The following ARMC2 variants were observed in gnomAD, a reference collection of about 807,000 sequenced individuals.
The protein encoded by ARMC2 is armadillo repeat-containing protein 2.
Under a neutral mutation model 90.3 loss-of-function variants are expected in ARMC2, and 67 were observed. The ratio of observed to expected loss-of-function variants is 0.74; its 90% CI spans 0.61 to 0.91. The LOEUF is 0.91. Among genes scored for constraint, ARMC2 ranks in the 40% least tolerant of loss-of-function variants. The pLI, the probability that ARMC2 is intolerant of heterozygous loss-of-function variation, is 0.00. For missense variants in ARMC2, 920 were observed against 1,030.9 expected (o/e 0.89, Z 1.47); for synonymous variants, 393 against 393.0 (o/e 1.00, Z 0.00).
rs5879005 is a variant in ARMC2 at position 108,947,829 on chromosome 6, GAA to G, written c.1597-5192_1597-5191del. Among the ~76,000 whole-genome samples, 1,039 of 139,142 alleles carry G rather than the reference GAA, an allele frequency of 7.5e-3. 11 individuals carry two copies. Among genetic ancestry groups the G allele is most frequent in the African/African-American group, 0.021 (798 of 37,912 alleles). The allele number at this position is 139,142 out of a possible 152,430, so 91.3% of individuals were successfully genotyped here. On this transcript the variant is annotated intron_variant, in intron 12 of 17. Coordinates refer to ENST00000392644, the MANE Select transcript of ARMC2 (RefSeq NM_032131.6). ...GGTTATACTAGACTGCCTTCTTTAG[GAA>G]AAAAAAAAAAAGCTCTCTCTTGATT...
At chr6:108,971,342 T>TG (rs1562443009) in intron 17 of ARMC2, among the ~76,000 whole-genome samples, 1 of 152,136 alleles carries the variant, frequency 6.6e-6, no homozygotes, top group Admixed American at 6.5e-5. Flanking sequence ...AGTTATCTCA[T>TG]GGGTGGGGAG....
intron 12 of ARMC2, among the ~76,000 whole-genome samples, chr6:108,948,058 C>G (rs928016133): frequency 1.3e-5 from 2 of 152,226 alleles, no homozygotes; most frequent in Non-Finnish European, 2.9e-5. Context: ...AATTGGTGCT[C>G]TCTCTAAATA....
At chr6:109,002,154 A>C in the ARMC2 span, 6 of 735,692 alleles carry the variant, frequency 8.2e-6, no homozygotes, top group Non-Finnish European at 1.4e-5. Context: ...AAGAATGATT[A>C]ACTGCAACCA....
chr6:108,953,643 T>A (rs73762612), intron 13 of ARMC2, among the ~76,000 whole-genome samples: 2,245 of 152,356 alleles, frequency 0.015, 63 homozygotes, highest in African/African-American at 0.052. Flanking sequence ...TGCAATTTTT[T>A]AAAATTATAC....
chr6:109,024,360 T>C, the ARMC2 span, among the ~76,000 whole-genome samples: 3 of 152,080 alleles, frequency 2.0e-5, no homozygotes, highest in Non-Finnish European at 4.4e-5. Flanking sequence ...AAAGGAAGAA[T>C]CAGAAAAATT....
At chr6:108,862,366 A>C (rs1013390201) in intron 3 of ARMC2, among the ~76,000 whole-genome samples, 5 of 150,532 alleles carry the variant, frequency 3.3e-5, no homozygotes, top group Non-Finnish European at 5.9e-5. Context: ...AAACAAAAAA[A>C]ACAAACAAAA....
intron 11 of ARMC2, among the ~76,000 whole-genome samples, chr6:108,931,205 G>T (rs926165724): frequency 6.6e-6 from 1 of 151,772 alleles, no homozygotes; most frequent in African/African-American, 2.4e-5. Context: ...CTAGTTTGCT[G>T]AGCTAATGGC....
At chr6:108,965,983 A>T (rs539006634) in intron 17 of ARMC2, among the ~76,000 whole-genome samples, 1,588 of 150,738 alleles carry the variant, frequency 0.011, 28 homozygotes, top group African/African-American at 0.037. Context: ...AAAAATTTTT[A>T]TAATTTTAGG....
chr6:108,905,043 C>T (rs753615954), intron 8 of ARMC2, among the ~76,000 whole-genome samples: 8 of 152,158 alleles, frequency 5.3e-5, no homozygotes, highest in Non-Finnish European at 8.8e-5. Flanking sequence ...TTTGTTGTCA[C>T]AGCCATAAAC....
the ARMC2 span, among the ~76,000 whole-genome samples, chr6:109,042,687 T>C: frequency 6.6e-6 from 1 of 152,022 alleles, no homozygotes; most frequent in Non-Finnish European, 1.5e-5. Flanking sequence ...AATAGCCCTA[T>C]TGCTATTAAG....
At chr6:108,884,046 G>A (rs765367210) in intron 5 of ARMC2, among the ~76,000 whole-genome samples, 32 of 152,126 alleles carry the variant, frequency 2.1e-4, no homozygotes, top group Middle Eastern at 3.4e-3. Context: ...AAACAATGAA[G>A]TCATTATTCT....
At chr6:108,864,623 G>A (rs1775624576) in intron 3 of ARMC2, among the ~76,000 whole-genome samples, 1 of 152,124 alleles carries the variant, frequency 6.6e-6, no homozygotes, top group Admixed American at 6.5e-5. Flanking sequence ...GTGTGTGTGT[G>A]TTCTGCTGCT....
the ARMC2 span, among the ~76,000 whole-genome samples, chr6:108,992,351 A>G: frequency 6.6e-6 from 1 of 152,100 alleles, no homozygotes; most frequent in Non-Finnish European, 1.5e-5. Flanking sequence ...GCCTCGGCTC[A>G]GGCAATCCAC....
intron 10 of ARMC2, among the ~76,000 whole-genome samples, chr6:108,918,371 G>T (rs1349953894): frequency 1.3e-5 from 2 of 152,118 alleles, no homozygotes; most frequent in African/African-American, 4.8e-5. Flanking sequence ...GCGAGCGAGG[G>T]GTGTGAGGGG....
At chr6:109,020,049 A>C in the ARMC2 span, among the ~76,000 whole-genome samples, 1 of 152,232 alleles carries the variant, frequency 6.6e-6, no homozygotes, top group Non-Finnish European at 1.5e-5. Flanking sequence ...TGCAGTTCAA[A>C]TAGGTCACAC....
At position 108,900,746 on chromosome 6, in the gene ARMC2, C is replaced by T. The variant is rs17069971; in HGVS notation, c.847+954C>T. Among the ~76,000 whole-genome samples the T allele has an allele frequency of 7.6e-3, 1,161 of 152,268 alleles. 21 individuals carry two copies. The highest frequency in any genetic ancestry group is 0.027 in the African/African-American group (1,116 of 41,550). ...GGGTTCTGGTCCCGGTGCTGCTACT[C>T]GCCAAGCGTATGGCCATGAGGAGTC... is the stretch of plus-strand genomic sequence containing the variant. On this transcript the variant is annotated intron_variant, in intron 7 of 17. Coordinates refer to ENST00000392644, the MANE Select transcript of ARMC2 (RefSeq NM_032131.6).
chr6:108,876,314 GAAC>G lies in ARMC2; in HGVS notation c.640_642del (p.Thr214del). Reference sequence around the variant, plus strand: ...ATAAAGGAGCAAGAAATGTTCAAAGGAACAACATCTTTACCATCTCATCTCAAG... The same window carrying G: ...ATAAAGGAGCAAGAAATGTTCAAAGGAACATCTTTACCATCTCATCTCAAG... On this transcript the variant is annotated inframe_deletion, in exon 5 of 18. Transcript: ENST00000392644. 1 of 1,611,432 alleles carries G rather than the reference GAAC, an allele frequency of 6.2e-7. No homozygotes were observed. The highest frequency in any genetic ancestry group is 8.5e-7 in the Non-Finnish European group (1 of 1,179,236).
the ARMC2 span, chr6:108,988,488 G>T: frequency 1.3e-6 from 2 of 1,486,546 alleles, no homozygotes. Flanking sequence ...TTAGGTGAAG[G>T]AGACTACGAA....
chr6:109,015,773 G>GC, the ARMC2 span, among the ~76,000 whole-genome samples: 1 of 152,214 alleles, frequency 6.6e-6, no homozygotes, highest in East Asian at 1.9e-4. Context: ...CTCAAAAAAG[G>GC]CAACAAAAGA....
Sources: gnomAD v4.1 joint callset for allele counts (sites outside exome capture counted in the v4.1 genomes callset) on GRCh38, gnomAD v4.1.1 for gene constraint, MANE v1.5 for transcripts, NCBI Gene and HGNC (gene_info 2026-07-23, HGNC 2026-07-21) for gene names.